The following CNIH3 variants were observed in gnomAD, a reference collection of about 807,000 sequenced individuals.
The protein encoded by CNIH3 is protein cornichon homolog 3.
Under a neutral mutation model 24.1 loss-of-function variants are expected in CNIH3, and 14 were observed. The observed-to-expected ratio is 0.58, with a 90% confidence interval of 0.38 to 0.91. CNIH3 has a LOEUF of 0.91. Among genes scored for constraint, CNIH3 ranks in the 40% least tolerant of loss-of-function variants. The probability of loss-of-function intolerance (pLI) is 0.00; values close to 1 mark genes in which losing one functional copy is unlikely to be tolerated. For missense variants in CNIH3, 178 were observed against 196.8 expected, an observed-to-expected ratio of 0.90 and a Z score of 0.57; for synonymous variants, 68 against 73.8, an observed-to-expected ratio of 0.92 and a Z score of 0.40.
intron 1 of CNIH3, among the ~76,000 whole-genome samples, chr1:224,470,635 T>A (rs1333118631): frequency 6.6e-6 from 1 of 152,138 alleles, no homozygotes; most frequent in Non-Finnish European, 1.5e-5. Flanking sequence ...TCAGTTGTTA[T>A]TGTTTTTTGT....
intron 1 of CNIH3, among the ~76,000 whole-genome samples, chr1:224,637,129 A>AT (rs1183840375): frequency 6.6e-6 from 1 of 151,476 alleles, no homozygotes; most frequent in East Asian, 1.9e-4. Context: ...TTTTTTTTGT[A>AT]TTTTTAGTAG....
At chr1:224,653,455 A>G (rs1351794219) in intron 1 of CNIH3, among the ~76,000 whole-genome samples, 1 of 149,622 alleles carries the variant, frequency 6.7e-6, no homozygotes, top group Non-Finnish European at 1.5e-5. Context: ...GTAGTTTATT[A>G]GACATTTCAT....
chr1:224,454,739 G>A (rs1452298227), intron 1 of CNIH3, among the ~76,000 whole-genome samples: 1 of 152,188 alleles, frequency 6.6e-6, no homozygotes, highest in African/African-American at 2.4e-5. Context: ...TCTGGTACTG[G>A]TGAAGAGACC....
chr1:224,622,892 C>T (rs1293523784), intron 1 of CNIH3, among the ~76,000 whole-genome samples: 1 of 152,242 alleles, frequency 6.6e-6, no homozygotes, highest in East Asian at 1.9e-4. Flanking sequence ...ACCTCTCTCC[C>T]AGTAAGTCTG....
intron 1 of CNIH3, among the ~76,000 whole-genome samples, chr1:224,467,003 A>G (rs547991379): frequency 1.3e-5 from 2 of 152,230 alleles, no homozygotes; most frequent in South Asian, 2.1e-4. Flanking sequence ...TTGGCTTGCA[A>G]ATATTTTCTC....
intron 3 of CNIH3, among the ~76,000 whole-genome samples, chr1:224,553,746 CTT>C (rs35165684): frequency 7.5e-5 from 11 of 145,976 alleles, no homozygotes; most frequent in Admixed American, 1.4e-4. Context: ...TTCTTTCTTT[CTT>C]TTTTTTTTTT....
chr1:224,457,511 A>ATTTTTT (rs943521801), intron 1 of CNIH3, among the ~76,000 whole-genome samples: 54 of 111,182 alleles, frequency 4.9e-4, no homozygotes, highest in African/African-American at 1.0e-3. Flanking sequence ...TGGTCTGGGG[A>ATTTTTT]TTTTTTTTTT....
At chr1:224,515,396 A>G (rs996028030), upstream of CNIH3, among the ~76,000 whole-genome samples, 4 of 152,244 alleles carry the variant, frequency 2.6e-5, no homozygotes, top group African/African-American at 7.2e-5. Flanking sequence ...GTTAACTGCA[A>G]TGGTTTCATT....
chr1:224,716,210 G>A (rs977621440), intron 3 of CNIH3, among the ~76,000 whole-genome samples: 5 of 152,160 alleles, frequency 3.3e-5, no homozygotes, highest in Non-Finnish European at 7.3e-5. Context: ...TAGGGCCAAA[G>A]GATTACTCTT....
At chr1:224,608,021 C>A (rs564214488) in intron 3 of CNIH3, among the ~76,000 whole-genome samples, 1 of 152,284 alleles carries the variant, frequency 6.6e-6, no homozygotes, top group East Asian at 1.9e-4. Context: ...AGTCAGGCGG[C>A]ACCAAAGTAT....
chr1:224,538,663 CTT>C (rs34203039), downstream of CNIH3, among the ~76,000 whole-genome samples: 4 of 139,714 alleles, frequency 2.9e-5, no homozygotes, highest in African/African-American at 2.7e-5. Flanking sequence ...CTCTCTCTCT[CTT>C]TTTTTTTTTT....
intron 3 of CNIH3, among the ~76,000 whole-genome samples, chr1:224,723,779 T>C (rs1214580272): frequency 6.6e-6 from 1 of 152,238 alleles, no homozygotes; most frequent in Non-Finnish European, 1.5e-5. Flanking sequence ...GGTCCAATTC[T>C]GGCCATGGAA....
chr1:224,541,550 C>T (rs951599246), downstream of CNIH3, among the ~76,000 whole-genome samples: 1 of 152,028 alleles, frequency 6.6e-6, no homozygotes, highest in African/African-American at 2.4e-5. Flanking sequence ...TAGTGGTTAC[C>T]CTGAGCTGAG....
chr1:224,563,460 GGT>G (rs55836837), intron 3 of CNIH3, among the ~76,000 whole-genome samples: 11,144 of 146,248 alleles, frequency 0.076, 438 homozygotes, highest in Admixed American at 0.11. Context: ...TTTTAGACGG[GGT>G]GTGTGTGTGT....
intron 1 of CNIH3, among the ~76,000 whole-genome samples, chr1:224,482,639 T>TTCCTC (rs1676860620): frequency 6.6e-6 from 1 of 151,872 alleles, no homozygotes; most frequent in Non-Finnish European, 1.5e-5. Flanking sequence ...TCTTTACTCT[T>TTCCTC]TCCTCTCCTC....
chr1:224,621,494 C>G (rs569333065), intron 1 of CNIH3, among the ~76,000 whole-genome samples: 2 of 152,354 alleles, frequency 1.3e-5, no homozygotes, highest in Admixed American at 1.3e-4. Flanking sequence ...ACTGCCAGGT[C>G]TTACTTGGTC....
At chr1:224,574,757 C>G in intron 4 of CNIH3, 1 of 1,158,942 alleles carries the variant, frequency 8.6e-7, no homozygotes, top group Non-Finnish European at 1.3e-6. Context: ...TGGACCTCTA[C>G]CTTATTCGCT....
chr1:224,616,987 G>A lies in CNIH3; in HGVS notation c.-188G>A. ...CCGGAGGGCCGGGTCTGGGGTCGCC[G>A]GAGCCTGCGGGAATCCAGCGCTTAT... On this transcript the variant is annotated 5_prime_UTR_variant, in exon 1 of 6. Transcript: ENST00000272133. The A allele has an allele frequency of 1.4e-6, 2 of 1,409,958 alleles. No individual in the cohort carries two copies. The highest frequency in any genetic ancestry group is 1.8e-6 in the Non-Finnish European group (2 of 1,087,162). 87.3% of individuals were successfully genotyped at this position (1,409,958 alleles called of 1,614,324 possible).
chr1:224,635,692 C>G (rs1338186960), intron 1 of CNIH3, among the ~76,000 whole-genome samples: 1 of 152,194 alleles, frequency 6.6e-6, no homozygotes, highest in Non-Finnish European at 1.5e-5. Flanking sequence ...CCATATATTT[C>G]TTCACTTTTT....
Sources: allele counts gnomAD v4.1 joint callset (sites outside exome capture counted in the v4.1 genomes callset), GRCh38; gene constraint gnomAD v4.1.1; transcripts MANE v1.5; gene names NCBI Gene and HGNC (gene_info 2026-07-23, HGNC 2026-07-21).